ERICH3: variants seen among roughly 807,000 people sequenced by gnomAD.
The protein encoded by ERICH3 is glutamate rich 3, also known as glutamate-rich protein 3.
In ERICH3, 126 loss-of-function variants were observed where a neutral mutation model predicts 131.1. The observed-to-expected ratio is 0.96, with a 90% CI of 0.83 to 1.11. ERICH3 has a LOEUF of 1.11. ERICH3 is among the 50% of genes most tolerant of loss of function. The probability of loss-of-function intolerance (pLI) is 0.00; values close to 1 mark genes in which losing one functional copy is unlikely to be tolerated. For synonymous variants in ERICH3, 695 were observed against 644.6 expected (o/e 1.08, Z -1.18); for missense variants, 2,050 against 1,810.7 (o/e 1.13, Z -2.40).
At chr1:74,649,367 C>A (rs1037143093) in intron 1 of ERICH3, 52 bp from the exon 2 acceptor site, 2 of 1,401,478 alleles carry the variant, frequency 1.4e-6, no homozygotes, top group Non-Finnish European at 2.0e-6. Context: ...TGTTTGATAA[C>A]CAAGGCAATT....
intron 5 of ERICH3, among the ~76,000 whole-genome samples, chr1:74,638,848 A>T (rs1473310011): frequency 6.6e-6 from 1 of 152,176 alleles, no homozygotes; most frequent in African/African-American, 2.4e-5. Context: ...CAACACCCTA[A>T]GTTTGGCAGA....
intron 13 of ERICH3, 56 bp from the exon 14 acceptor site, chr1:74,573,547 G>C: frequency 6.9e-7 from 1 of 1,456,934 alleles, no homozygotes; most frequent in Non-Finnish European, 9.0e-7. Context: ...ACAAGGGAGG[G>C]GACACTATAA....
In ERICH3 at chr1:74,573,070, G is replaced by A. The variant is rs373173004; in HGVS notation, c.2640C>T (p.Ala880=). 11 of 1,614,004 alleles carry A rather than the reference G, an allele frequency of 6.8e-6. No individual in the cohort carries two copies. The African/African-American group carries it at 1.5e-4, about 22-fold the overall frequency. ...LSKDEAPEKQ[A]LMLTVLETDK... ...CTGTCTCAAGCACTGTGAGCATCAA[G>A]GCTTGCTTTTCAGGAGCCTCATCTT... Residue 880 remains alanine (A), a synonymous_variant, in exon 14 of 15, where the codon GCC becomes GCT. Coordinates refer to ENST00000326665, the MANE Select transcript of ERICH3 (RefSeq NM_001002912.5).
intron 11 of ERICH3, among the ~76,000 whole-genome samples, chr1:74,595,581 C>A (rs1368977274): frequency 6.6e-6 from 1 of 152,000 alleles, no homozygotes; most frequent in Non-Finnish European, 1.5e-5. Context: ...ACAATCAAAT[C>A]ATGTGTCACA....
At chr1:74,598,958 C>T (rs907143949) in intron 11 of ERICH3, among the ~76,000 whole-genome samples, 4 of 151,764 alleles carry the variant, frequency 2.6e-5, no homozygotes, top group Non-Finnish European at 4.4e-5. Flanking sequence ...TTTCATATTG[C>T]TATTAGCAAT....
intron 8 of ERICH3, among the ~76,000 whole-genome samples, chr1:74,615,609 G>C (rs1384199838): frequency 6.6e-6 from 1 of 152,122 alleles, no homozygotes; most frequent in Non-Finnish European, 1.5e-5. Context: ...TAATATATCA[G>C]TCTTCTGGAT....
chr1:74,589,866 T>G lies in ERICH3; in HGVS notation c.1941A>C (p.Gln647His). The change falls in exon 12 of 15, where the codon CAA becomes CAC. Residue 647 changes from glutamine to histidine, a missense_variant. Transcript: ENST00000326665. ...TCTCCACATCTGCTTTTGTTATTTC[T>G]TGGTCTTCAATTTCAATTTCTAAGG... The part of the protein sequence containing the change: ...EESLEIEIED[Q>H]EITKADVETK... The G allele has an allele frequency of 6.2e-7, 1 of 1,614,110 alleles. No homozygotes were observed. Among genetic ancestry groups the G allele is most frequent in the South Asian group, 1.1e-5 (1 of 91,084 alleles).
chr1:74,665,156 G>T (rs1646678232), intron 1 of ERICH3, among the ~76,000 whole-genome samples: 1 of 151,872 alleles, frequency 6.6e-6, no homozygotes, highest in Admixed American at 6.6e-5. Context: ...TGCCATGTGA[G>T]GGCCCAGCAA....
At chr1:74,579,787 C>G (rs1647143665) in intron 12 of ERICH3, 2 of 985,312 alleles carry the variant, frequency 2.0e-6, no homozygotes, top group Non-Finnish European at 2.4e-6. Flanking sequence ...AGCCCTTCAT[C>G]CCCTAAGGCT....
chr1:74,593,872 G>A (rs1322518865), intron 11 of ERICH3, among the ~76,000 whole-genome samples: 1 of 152,066 alleles, frequency 6.6e-6, no homozygotes, highest in Non-Finnish European at 1.5e-5. Flanking sequence ...ATAAAACCAA[G>A]ACCCTTCTAT....
At chr1:74,654,488 G>A (rs1057440514) in intron 1 of ERICH3, among the ~76,000 whole-genome samples, 9 of 151,944 alleles carry the variant, frequency 5.9e-5, no homozygotes, top group African/African-American at 2.2e-4. Context: ...CACTATTTTT[G>A]GAGGCTGGAA....
intron 1 of ERICH3, among the ~76,000 whole-genome samples, chr1:74,656,704 A>G (rs1291966943): frequency 6.6e-6 from 1 of 152,206 alleles, no homozygotes; most frequent in African/African-American, 2.4e-5. Flanking sequence ...AAATACCCAC[A>G]TAGAATCTGG....
Position 74,571,872 on chromosome 1 carries a change from T to C in ERICH3, c.3838A>G (p.Ile1280Val). Residue 1280 changes from isoleucine (I) to valine (V), a missense_variant, in exon 14 of 15, where the codon ATA becomes GTA. By Grantham distance (29) the Ile-to-Val change is conservative. Coordinates refer to ENST00000326665, the MANE Select transcript of ERICH3 (RefSeq NM_001002912.5). Reference protein sequence around the residue: ...TQEAVAEEDPIMAEKFREEAV... With the variant: ...TQEAVAEEDPVMAEKFREEAV... ...TCCTCCCTGAACTTTTCTGCCATTA[T>C]GGGATCTTCCTCAGCAACAGCTTCC... 6.2e-7 allele frequency: 1 copy of C among 1,612,040 alleles called. No homozygotes were observed. Among genetic ancestry groups the C allele is most frequent in the Non-Finnish European group, 8.5e-7 (1 of 1,180,036 alleles).
intron 12 of ERICH3, among the ~76,000 whole-genome samples, chr1:74,588,376 C>T (rs1358622383): frequency 6.6e-6 from 1 of 152,094 alleles, no homozygotes; most frequent in Admixed American, 6.6e-5. Flanking sequence ...ATGAGAGAAA[C>T]TCTGTCTTAC....
At chr1:74,653,984 G>A (rs989723757) in intron 1 of ERICH3, among the ~76,000 whole-genome samples, 2 of 152,082 alleles carry the variant, frequency 1.3e-5, no homozygotes, top group Non-Finnish European at 2.9e-5. Flanking sequence ...ACTAGTATAC[G>A]AACACAGTTC....
intron 4 of ERICH3, 52 bp downstream of exon 4, chr1:74,642,975 T>G: frequency 7.3e-7 from 1 of 1,363,290 alleles, no homozygotes; most frequent in Non-Finnish European, 1.0e-6. Context: ...CTGTTTTTTT[T>G]AAAATCATAA....
In ERICH3 at chr1:74,576,952, A is replaced by G. The variant is rs201920144; in HGVS notation, c.2177-16T>C. 30 of 1,589,534 alleles carry G rather than the reference A, an allele frequency of 1.9e-5. No individual in the cohort carries two copies. The Admixed American group carries it at 3.8e-4, about 20-fold the overall frequency. On this transcript the variant is annotated splice_polypyrimidine_tract_variant and intron_variant, in intron 12 of 14. Transcript: ENST00000326665. ...GAATCCTTTCCTAGTTAAAAAAAAA[A>G]AAAAGAAAAAAAAGGTCAAATGAAT...
At chr1:74,576,700 C>A (rs572877037) in intron 13 of ERICH3, among the ~76,000 whole-genome samples, 195 bp downstream of exon 13, 4 of 152,030 alleles carry the variant, frequency 2.6e-5, no homozygotes, top group African/African-American at 9.6e-5. Context: ...GATAATGTGA[C>A]CATATGATGA....
At chr1:74,596,668 T>C (rs1369714490) in intron 11 of ERICH3, among the ~76,000 whole-genome samples, 2 of 152,212 alleles carry the variant, frequency 1.3e-5, no homozygotes, top group South Asian at 4.1e-4. Flanking sequence ...CTCAGTGACA[T>C]GATACTTTTC....
Sources: gnomAD v4.1 joint callset for allele counts (sites outside exome capture counted in the v4.1 genomes callset) on GRCh38, gnomAD v4.1.1 for gene constraint, MANE v1.5 for transcripts, NCBI Gene and HGNC (gene_info 2026-07-23, HGNC 2026-07-21) for gene names.